The following PCDHA12 variants were observed in gnomAD, a reference collection of about 807,000 sequenced individuals.
The protein encoded by PCDHA12 is protocadherin alpha-12.
PCDHA12 carries 44 observed loss-of-function variants against 60.0 expected under a neutral mutation model. The ratio of observed to expected loss-of-function variants is 0.73; its 90% CI spans 0.58 to 0.94. PCDHA12 has a LOEUF of 0.94. Among genes scored for constraint, PCDHA12 ranks in the 40% least tolerant of loss-of-function variants. The probability of loss-of-function intolerance (pLI) is 0.00; values close to 1 mark genes in which losing one functional copy is unlikely to be tolerated. For synonymous variants in PCDHA12, 569 were observed against 553.0 expected, an observed-to-expected ratio of 1.03 and a Z score of -0.40; for missense variants, 1,276 against 1,239.7, an observed-to-expected ratio of 1.03 and a Z score of -0.44.
chr5:140,992,971 T>C (rs1186217726), intron 3 of PCDHA12, among the ~76,000 whole-genome samples: 17 of 152,166 alleles, frequency 1.1e-4, no homozygotes, highest in Admixed American at 1.1e-3. Flanking sequence ...CTGCTGACAA[T>C]GATTAGGCCA....
chr5:140,961,504 G>T (rs2095618659), intron 1 of PCDHA12, among the ~76,000 whole-genome samples: 1 of 152,112 alleles, frequency 6.6e-6, no homozygotes, highest in African/African-American at 2.4e-5. Flanking sequence ...GGGAGACTTT[G>T]TTTAATGTCT....
intron 1 of PCDHA12, chr5:140,928,228 C>T: frequency 6.2e-7 from 1 of 1,614,218 alleles, no homozygotes; most frequent in Non-Finnish European, 8.5e-7. Context: ...ACCAAACTTT[C>T]CTCAACCCCA....
intron 1 of PCDHA12, chr5:140,969,414 G>C: frequency 6.4e-7 from 1 of 1,566,012 alleles, no homozygotes; most frequent in Non-Finnish European, 8.7e-7. Context: ...GCTTTATTGA[G>C]TCATTAACAG....
chr5:141,000,389 C>CTA (rs2097911342), intron 3 of PCDHA12, among the ~76,000 whole-genome samples: 14 of 62,576 alleles, frequency 2.2e-4, no homozygotes, highest in South Asian at 6.5e-4. Context: ...CTCTCTCTCT[C>CTA]TCTCTCTATA....
intron 1 of PCDHA12, among the ~76,000 whole-genome samples, chr5:140,940,805 A>G (rs957278090): frequency 6.6e-6 from 1 of 152,202 alleles, no homozygotes. Context: ...ATTTGCCAGG[A>G]TATCCTGAGA....
chr5:140,947,685 G>T (rs553954790), intron 1 of PCDHA12, among the ~76,000 whole-genome samples: 1 of 151,508 alleles, frequency 6.6e-6, no homozygotes, highest in South Asian at 2.1e-4. Flanking sequence ...AATTGTCTCA[G>T]CATGTTCTGT....
At chr5:140,986,077 A>G (rs1335070462) in intron 3 of PCDHA12, among the ~76,000 whole-genome samples, 2 of 152,094 alleles carry the variant, frequency 1.3e-5, no homozygotes, top group Non-Finnish European at 2.9e-5. Flanking sequence ...GAAACTGTTC[A>G]TTTATTTTCA....
intron 1 of PCDHA12, among the ~76,000 whole-genome samples, chr5:140,935,985 C>T (rs155825): frequency 0.32 from 47,782 of 150,880 alleles, 7,901 homozygotes; most frequent in East Asian, 0.53. Context: ...CTCTGCCTCC[C>T]GGGTTCAAGC....
At chr5:140,924,104 C>A (rs538996937) in intron 1 of PCDHA12, among the ~76,000 whole-genome samples, 20 of 152,306 alleles carry the variant, frequency 1.3e-4, no homozygotes, top group Middle Eastern at 6.8e-3. Context: ...AATTTTCATT[C>A]CAAAGCAGTT....
intron 1 of PCDHA12, among the ~76,000 whole-genome samples, chr5:140,895,002 A>C (rs1003440406): frequency 6.6e-6 from 1 of 152,030 alleles, no homozygotes; most frequent in Non-Finnish European, 1.5e-5. Flanking sequence ...TACCCTTTTT[A>C]CTTGGACCTT....
chr5:140,898,414 C>T (rs1554187972), intron 1 of PCDHA12, among the ~76,000 whole-genome samples: 1 of 152,170 alleles, frequency 6.6e-6, no homozygotes, highest in Non-Finnish European at 1.5e-5. Flanking sequence ...ATACGGCTAG[C>T]CAGTTTTCCC....
rs186179297 is a variant in PCDHA12, at chr5:140,987,139, G to A, written c.2515+4576G>A. Among the ~76,000 whole-genome samples the A allele has an allele frequency of 5.1e-4, 78 of 151,932 alleles. 3 individuals are homozygous for A. The East Asian group carries it at 0.014, about 28-fold the overall frequency. On this transcript the variant is annotated intron_variant, in intron 3 of 3. Transcript: ENST00000398631. The stretch of plus-strand genomic sequence containing the variant: ...TGAGGCAGGAGAATTGCTTGAACTC[G>A]GGAGGTGGAGGTTGCAGTGAGCTGA...
intron 1 of PCDHA12, among the ~76,000 whole-genome samples, chr5:140,909,331 G>T (rs1162078506): frequency 6.6e-6 from 1 of 152,226 alleles, no homozygotes; most frequent in Admixed American, 6.5e-5. Context: ...ATCAATGGTT[G>T]CATACCAGGT....
chr5:140,942,255 A>G (rs2093254394), intron 1 of PCDHA12, among the ~76,000 whole-genome samples: 1 of 152,194 alleles, frequency 6.6e-6, no homozygotes, highest in Non-Finnish European at 1.5e-5. Context: ...TCATTAAAAG[A>G]TATCTAAAGC....
At chr5:140,880,812 G>C (rs782505360) in intron 1 of PCDHA12, among the ~76,000 whole-genome samples, 2 of 152,200 alleles carry the variant, frequency 1.3e-5, no homozygotes, top group Non-Finnish European at 2.9e-5. Flanking sequence ...AATGACTCTA[G>C]AGTGTCTGGA....
chr5:140,996,130 G>A (rs1185857732), intron 3 of PCDHA12, among the ~76,000 whole-genome samples: 2 of 152,162 alleles, frequency 1.3e-5, no homozygotes, highest in African/African-American at 4.8e-5. Flanking sequence ...GGTGTAGAGG[G>A]TTCTCCCATT....
chr5:140,904,955 G>A (rs1272284537), intron 1 of PCDHA12, among the ~76,000 whole-genome samples: 1 of 152,120 alleles, frequency 6.6e-6, no homozygotes, highest in Non-Finnish European at 1.5e-5. Context: ...TTTGTCTGAT[G>A]CAGAATTTGT....
At position 140,966,655 on chromosome 5, in the gene PCDHA12, G is replaced by T. The variant is rs576875582; in HGVS notation, c.2368-12294G>T. The T allele has an allele frequency of 2.6e-5, 31 of 1,195,250 alleles. No homozygotes were observed. In the South Asian group the frequency reaches 4.0e-4, roughly 15 times the overall value. 74.0% of individuals were successfully genotyped at this position (1,195,250 alleles called of 1,614,324 possible). On this transcript the variant is annotated intron_variant, in intron 1 of 3. Coordinates refer to ENST00000398631, the MANE Select transcript of PCDHA12 (RefSeq NM_018903.4). ...AGGCGCTTTCTAGAGCGTGAGCGGT[G>T]GGGGAGCAGGCGCAGGGTGGCACGA...
intron 3 of PCDHA12, among the ~76,000 whole-genome samples, chr5:141,000,416 TA>T (rs1479552208): frequency 1.6e-3 from 150 of 93,344 alleles, no homozygotes; most frequent in Non-Finnish European, 2.1e-3. Flanking sequence ...TATATATATA[TA>T]TATATTTTTT....
Sources: gnomAD v4.1 joint callset for allele counts (sites outside exome capture counted in the v4.1 genomes callset) on GRCh38, gnomAD v4.1.1 for gene constraint, MANE v1.5 for transcripts, NCBI Gene and HGNC (gene_info 2026-07-23, HGNC 2026-07-21) for gene names.